TRPM3: variants seen among roughly 807,000 people sequenced by gnomAD.
The protein encoded by TRPM3 is long transient receptor potential channel 3.
Under a neutral mutation model 181.2 loss-of-function variants are expected in TRPM3, and 77 were observed. That is an observed-to-expected ratio of 0.42 (90% CI 0.35 to 0.51). TRPM3 has a LOEUF of 0.51. Ranked by LOEUF, TRPM3 falls within the 20% of genes least tolerant of loss-of-function variation. The pLI is 0.01. For synonymous variants in TRPM3, 745 were observed against 796.4 expected (o/e 0.94, Z 1.09); for missense variants, 1,759 against 2,196.7 (o/e 0.80, Z 3.98).
At chr9:70,996,004 G>A (rs931384445) in intron 1 of TRPM3, among the ~76,000 whole-genome samples, 5 of 152,098 alleles carry the variant, frequency 3.3e-5, no homozygotes, top group African/African-American at 9.7e-5. Context: ...ATTGGCTTGG[G>A]TTTATTTTCC....
At chr9:71,149,909 G>C (rs1237500457) in intron 1 of TRPM3, among the ~76,000 whole-genome samples, 1 of 152,068 alleles carries the variant, frequency 6.6e-6, no homozygotes. Context: ...ACTGTAGTGA[G>C]CTGAGATCTC....
intron 1 of TRPM3, among the ~76,000 whole-genome samples, chr9:70,971,263 C>T (rs1469584151): frequency 6.6e-6 from 1 of 152,188 alleles, no homozygotes; most frequent in African/African-American, 2.4e-5. Context: ...CTTCACCCTG[C>T]CCTCACACTG....
intron 8 of TRPM3, among the ~76,000 whole-genome samples, chr9:70,701,202 A>G (rs754267365): frequency 3.4e-4 from 52 of 152,260 alleles, no homozygotes; most frequent in Non-Finnish European, 6.3e-4. Context: ...CTATCTTCCT[A>G]GACAACATTA....
chr9:70,596,281 T>A (rs923084086), intron 21 of TRPM3, among the ~76,000 whole-genome samples: 2 of 152,234 alleles, frequency 1.3e-5, no homozygotes, highest in African/African-American at 4.8e-5. Flanking sequence ...GAATTTGAAT[T>A]CTTCCTCTCT....
intron 8 of TRPM3, among the ~76,000 whole-genome samples, chr9:70,753,195 G>T (rs1417948140): frequency 6.6e-6 from 1 of 152,088 alleles, no homozygotes; most frequent in African/African-American, 2.4e-5. Flanking sequence ...CCATTGTTAA[G>T]TAATGCCTGA....
At chr9:70,966,200 C>T (rs2097184010) in intron 1 of TRPM3, among the ~76,000 whole-genome samples, 1 of 152,044 alleles carries the variant, frequency 6.6e-6, no homozygotes, top group African/African-American at 2.4e-5. Flanking sequence ...GAGATACCAT[C>T]TCACACCAGT....
intron 1 of TRPM3, among the ~76,000 whole-genome samples, chr9:71,351,104 CCTGATGAG>C (rs1446019353): frequency 6.6e-6 from 1 of 152,116 alleles, no homozygotes; most frequent in Non-Finnish European, 1.5e-5. Context: ...TAAAGGTGAA[CCTGATGAG>C]CTGTCCTGAA....
intron 1 of TRPM3, among the ~76,000 whole-genome samples, chr9:71,052,291 T>A (rs900776291): frequency 1.3e-5 from 2 of 152,280 alleles, no homozygotes; most frequent in Admixed American, 1.3e-4. Flanking sequence ...TTTATTGAAT[T>A]CTAGAGCTTG....
chr9:70,996,308 G>A (rs2097540989), intron 1 of TRPM3, among the ~76,000 whole-genome samples: 1 of 152,088 alleles, frequency 6.6e-6, no homozygotes, highest in Non-Finnish European at 1.5e-5. Context: ...GTGGTGAAAG[G>A]CATAGGTTTA....
intron 1 of TRPM3, among the ~76,000 whole-genome samples, chr9:70,981,784 G>A (rs1037945557): frequency 2.0e-5 from 3 of 151,952 alleles, no homozygotes; most frequent in Admixed American, 6.6e-5. Context: ...ATTTCATTTT[G>A]AAGCTCCTCC....
chr9:70,878,866 A>G (rs1256604160), intron 1 of TRPM3, among the ~76,000 whole-genome samples: 2 of 152,098 alleles, frequency 1.3e-5, no homozygotes, highest in Non-Finnish European at 2.9e-5. Context: ...CCTACACGTT[A>G]GTAAGATTCT....
At chr9:71,251,035 G>C (rs566812773) in intron 1 of TRPM3, among the ~76,000 whole-genome samples, 4 of 152,314 alleles carry the variant, frequency 2.6e-5, no homozygotes, top group South Asian at 4.1e-4. Flanking sequence ...AAGATGGATA[G>C]AGAAATGGAT....
chr9:70,950,086 C>T (rs1307785010), intron 1 of TRPM3, among the ~76,000 whole-genome samples: 1 of 152,192 alleles, frequency 6.6e-6, no homozygotes, highest in African/African-American at 2.4e-5. Context: ...TGAAGCCTCC[C>T]TTCACAGTCA....
intron 1 of TRPM3, among the ~76,000 whole-genome samples, chr9:70,914,181 G>A (rs1211992002): frequency 6.6e-6 from 1 of 152,126 alleles, no homozygotes; most frequent in African/African-American, 2.4e-5. Flanking sequence ...CCATATAAAA[G>A]AGGCTTCACA....
chr9:71,413,286 G>C (rs551889901), intron 1 of TRPM3, among the ~76,000 whole-genome samples: 92 of 152,048 alleles, frequency 6.1e-4, no homozygotes, highest in African/African-American at 2.1e-3. Context: ...CATATTTATT[G>C]AGTATTTAGC....
At chr9:70,677,618 T>G (rs2064333303) in intron 9 of TRPM3, among the ~76,000 whole-genome samples, 1 of 152,212 alleles carries the variant, frequency 6.6e-6, no homozygotes, top group African/African-American at 2.4e-5. Context: ...TCAGACTCTT[T>G]CTGTGTAATC....
At chr9:71,262,366 C>T (rs1446088688) in intron 1 of TRPM3, among the ~76,000 whole-genome samples, 3 of 152,154 alleles carry the variant, frequency 2.0e-5, no homozygotes, top group African/African-American at 4.8e-5. Flanking sequence ...GTCCCTCCCC[C>T]AACCAAGCTC....
chr9:70,950,357 G>A lies in TRPM3; in HGVS notation c.178-85846C>T, dbSNP rs538475928. ...CTCATGATGGTATTATTTTTCAAGT[G>A]GCCATAATGCATTTTTGACTTGATC... On this transcript the variant is annotated intron_variant, in intron 1 of 25. Transcript: ENST00000677713. Among the ~76,000 whole-genome samples, 3 of 152,200 alleles carry A rather than the reference G, an allele frequency of 2.0e-5. No homozygotes were observed. The South Asian group carries it at 6.2e-4, about 32-fold the overall frequency.
At chr9:71,204,397 G>A (rs1481760046) in intron 1 of TRPM3, among the ~76,000 whole-genome samples, 2 of 152,172 alleles carry the variant, frequency 1.3e-5, no homozygotes, top group African/African-American at 4.8e-5. Context: ...GAACAAGTAG[G>A]CAAAGGATAT....
Sources: allele counts gnomAD v4.1 joint callset (sites outside exome capture counted in the v4.1 genomes callset), GRCh38; gene constraint gnomAD v4.1.1; transcripts MANE v1.5; gene names NCBI Gene and HGNC (gene_info 2026-07-23, HGNC 2026-07-21).